Variants in PPRC1 observed in about 807,000 individuals in gnomAD.
PPRC1 encodes PPARG related coactivator 1.
A neutral mutation model predicts 132.5 loss-of-function variants in PPRC1; 23 were observed. The observed-to-expected ratio is 0.17, with a 90% CI of 0.12 to 0.25. The LOEUF (loss-of-function observed/expected upper bound fraction) is 0.25, where lower values mean the gene tolerates loss of function less well. Ranked by LOEUF, PPRC1 falls within the 10% of genes least tolerant of loss-of-function variation. PPRC1 has a pLI of 1.00. For synonymous variants in PPRC1, 872 were observed against 833.5 expected (o/e 1.05, Z -0.80); for missense variants, 2,006 against 2,089.1 (o/e 0.96, Z 0.78).
chr10:102,142,488 G>C (rs1285191251), intron 5 of PPRC1, among the ~76,000 whole-genome samples: 2 of 123,916 alleles, frequency 1.6e-5, no homozygotes, highest in Non-Finnish European at 3.2e-5. Context: ...GCGTGATCTC[G>C]GCTCACCGCA....
At chr10:102,142,916 CT>C in intron 5 of PPRC1, 128 bp from the exon 6 acceptor site, 1 of 724,656 alleles carries the variant, frequency 1.4e-6, no homozygotes, top group Admixed American at 2.9e-5. Context: ...GTGCTGCTAC[CT>C]TGGTTCACTT....
At chr10:102,132,106 CCATT>C (rs2068553728), upstream of PPRC1, among the ~76,000 whole-genome samples, 1 of 152,184 alleles carries the variant, frequency 6.6e-6, no homozygotes, top group Non-Finnish European at 1.5e-5. Context: ...ATATATTTTT[CCATT>C]CATAGAAAAA....
rs1210198308 is a variant in PPRC1 at position 102,143,058 on chromosome 10, G to A, written c.3510G>A (p.Ser1170=). 1.9e-6 allele frequency: 3 copies of A among 1,613,350 alleles called. No homozygotes were observed. The highest frequency in any genetic ancestry group is 2.5e-6 in the Non-Finnish European group (3 of 1,179,490). Residue 1170 remains serine (S), a synonymous_variant, in exon 6 of 14, where the codon TCG becomes TCA. Transcript: ENST00000278070. ...AFISEIGIEA[S]DLSSLLEQFE... ...GTGCCTCCACAGGAATTGAGGCATC[G>A]GACCTGTCCAGTCTGCTGGAGCAGT...
At chr10:102,126,991 C>T in the PPRC1 span, among the ~76,000 whole-genome samples, 1 of 108,458 alleles carries the variant, frequency 9.2e-6, no homozygotes, top group African/African-American at 3.1e-5. Context: ...AATCATATTT[C>T]TGGAGAACCA....
At chr10:102,119,977 T>TC in the PPRC1 span, 4 of 816,046 alleles carry the variant, frequency 4.9e-6, no homozygotes, top group Non-Finnish European at 7.0e-6. Flanking sequence ...GCCCCCGGCT[T>TC]CCCCCATGCC....
At chr10:102,145,346 T>C (rs1451862731) in intron 8 of PPRC1, among the ~76,000 whole-genome samples, 1 of 151,980 alleles carries the variant, frequency 6.6e-6, no homozygotes, top group Non-Finnish European at 1.5e-5. Context: ...GGCAGGCGGA[T>C]CACTTGAGGT....
chr10:102,129,173 C>T (rs566578796), upstream of PPRC1, among the ~76,000 whole-genome samples: 5 of 151,890 alleles, frequency 3.3e-5, no homozygotes, highest in South Asian at 2.1e-4. Flanking sequence ...CCTCGTGATC[C>T]GCCCGCCTCG....
At chr10:102,123,271 G>A in the PPRC1 span, among the ~76,000 whole-genome samples, 4 of 152,084 alleles carry the variant, frequency 2.6e-5, no homozygotes, top group Admixed American at 6.5e-5. Flanking sequence ...ATCAGACCTG[G>A]GGAGGGAGAA....
intron 1 of PPRC1, among the ~76,000 whole-genome samples, chr10:102,134,892 A>G (rs1216717413): frequency 6.6e-6 from 1 of 152,230 alleles, no homozygotes; most frequent in Non-Finnish European, 1.5e-5. Flanking sequence ...ATAATAGTTA[A>G]GTAGTAATTT....
At chr10:102,144,623 C>G in intron 7 of PPRC1, 1 of 491,272 alleles carries the variant, frequency 2.0e-6, no homozygotes, top group South Asian at 2.4e-5. Context: ...CAAGTTTGCT[C>G]AGTGCTGGTA....
rs2068947657 is a variant in PPRC1, at chr10:102,140,980, C to T, written c.2472C>T (p.Pro824=). ...AGATTTGCCTTGTGCCTGTAGGTCCCAGCCCTGCTTCTCCTAGTCCTGAGC... is the reference window on the plus strand; with the variant it reads ...AGATTTGCCTTGTGCCTGTAGGTCCTAGCCCTGCTTCTCCTAGTCCTGAGC... ...PLEICLVPVG[P]SPASPSPEPP... is the part of the protein sequence containing the mutation. The change falls in exon 5 of 14, where the codon CCC becomes CCT. Residue 824 remains proline, a synonymous_variant. Coordinates refer to ENST00000278070, the MANE Select transcript of PPRC1 (RefSeq NM_015062.5). 2 of 1,614,070 alleles carry T rather than the reference C, an allele frequency of 1.2e-6. No homozygotes were observed. Among genetic ancestry groups the T allele is most frequent in the Non-Finnish European group, 8.5e-7 (1 of 1,180,026 alleles).
chr10:102,147,365 T>G lies in PPRC1; in HGVS notation c.4373T>G (p.Leu1458Arg), dbSNP rs764972495. The G allele has an allele frequency of 2.5e-6, 4 of 1,607,140 alleles. No homozygotes were observed. The South Asian group carries it at 4.4e-5, about 18-fold the overall frequency. Residue 1458 changes from leucine to arginine, a missense_variant, in exon 9 of 14, where the codon CTC (leucine) becomes CGC (arginine). This residue lies in a region of PPRC1 where 1,914 missense variants were observed against 1,917.2 expected (regional missense o/e 1.00). Transcript: ENST00000278070. ...SSSSRSRSRS[L>R]SPPHKRWRRS... ...TCATCCCGATCTCGGTCCAGGTCCC[T>G]CTCCCCCCCACACAAGAGGTGGCGA...
chr10:102,143,719 A>G (rs1200437964), intron 6 of PPRC1, among the ~76,000 whole-genome samples: 2 of 152,102 alleles, frequency 1.3e-5, no homozygotes, highest in African/African-American at 2.4e-5. Context: ...CAGAGAGAAT[A>G]TGTGTGGCAA....
rs542386144 is a variant in PPRC1 at position 102,140,795 on chromosome 10, C to T, written c.2287C>T (p.Arg763Cys). 1.1e-5 allele frequency: 18 copies of T among 1,613,920 alleles called. No individual in the cohort carries two copies. The highest frequency in any genetic ancestry group is 2.7e-5 in the African/African-American group (2 of 74,994). The change falls in exon 5 of 14, where the codon CGC becomes TGC. Residue 763 changes from arginine to cysteine, a missense_variant. Coordinates refer to ENST00000278070, the MANE Select transcript of PPRC1 (RefSeq NM_015062.5). ...TGAGTACCGGCGACGAAGGCAGCAA[C>T]GCCAAGCAGAAACAGAAGAGAGAAG... ...LSEYRRRRQQ[R>C]QAETEERSPQ...
In PPRC1 at chr10:102,150,168, A is replaced by G; in HGVS notation, c.*139A>G. The G allele has an allele frequency of 7.9e-6, 5 of 636,260 alleles. No individual in the cohort carries two copies. The highest frequency in any genetic ancestry group is 1.1e-5 in the Non-Finnish European group (4 of 365,128). The allele number at this position is 636,260 out of a possible 1,614,324, so 39.4% of individuals were successfully genotyped here. A position where few individuals can be genotyped will look rare whatever the true frequency, so the allele number is the denominator to read the frequency against. ...AATGGAAAAAAGTGAAATAAAAAAT[A>G]TGTTGAATCAGATTTTTTAAAAGGG... On this transcript the variant is annotated 3_prime_UTR_variant, in exon 14 of 14. Transcript: ENST00000278070.
upstream of PPRC1, among the ~76,000 whole-genome samples, chr10:102,130,606 A>T (rs2068525736): frequency 6.6e-6 from 1 of 150,554 alleles, no homozygotes; most frequent in Non-Finnish European, 1.5e-5. Context: ...GTGGTGGCAC[A>T]TGCCTGTAAC....
At chr10:102,144,444 CT>C in intron 7 of PPRC1, 137 bp downstream of exon 7, 1 of 786,080 alleles carries the variant, frequency 1.3e-6, no homozygotes, top group Non-Finnish European at 2.0e-6. Context: ...TTCCCCACCC[CT>C]TACTCTGCCT....
chr10:102,148,476 G>C lies in PPRC1; in HGVS notation c.4505G>C (p.Arg1502Pro), dbSNP rs752900930. 1.2e-6 allele frequency: 2 copies of C among 1,612,662 alleles called. No homozygotes were observed. Among genetic ancestry groups the C allele is most frequent in the South Asian group, 2.2e-5 (2 of 91,056 alleles). Residue 1502 changes from arginine to proline, a missense_variant, in exon 10 of 14, where the codon CGC becomes CCC. Around this residue, in one of 2 missense-constraint regions of PPRC1, gnomAD observed 1,914 missense variants for 1,917.2 expected, o/e 1.00. Transcript: ENST00000278070. This position sits in a 1 kb window ranked among gnomAD's most constrained non-coding sequence, Gnocchi z 4.2. ...SSSSSSSSRS[R>P]SRSPSPRRRS... ...TCCTCATCATCCAGTTCTCGAAGCC[G>C]CTCACGATCCCCATCCCCCCGCCGG...
At chr10:102,128,058 G>A (rs899465215), upstream of PPRC1, among the ~76,000 whole-genome samples, 3 of 152,100 alleles carry the variant, frequency 2.0e-5, no homozygotes, top group Non-Finnish European at 4.4e-5. Context: ...GGCTTGACTG[G>A]TGTTGGAGAA....
Sources: allele counts gnomAD v4.1 joint callset (sites outside exome capture counted in the v4.1 genomes callset), GRCh38; gene constraint gnomAD v4.1.1; regional missense constraint gnomAD v4.1.1; non-coding constraint Gnocchi (gnomAD v3.1); transcripts MANE v1.5; gene names NCBI Gene and HGNC (gene_info 2026-07-23, HGNC 2026-07-21).